Variants in GRIK2 observed in about 807,000 individuals in gnomAD.
GRIK2 encodes the protein glutamate receptor ionotropic, kainate 2.
GRIK2 carries 32 observed loss-of-function variants against 100.3 expected under a neutral mutation model. The ratio of observed to expected loss-of-function variants is 0.32; its 90% CI spans 0.24 to 0.43. The LOEUF is 0.43. Ranked by LOEUF, GRIK2 falls within the 20% of genes least tolerant of loss-of-function variation. The pLI is 1.00. For missense variants in GRIK2, 843 were observed against 1,114.9 expected, an observed-to-expected ratio of 0.76 and a Z score of 3.47; for synonymous variants, 417 against 389.4, an observed-to-expected ratio of 1.07 and a Z score of -0.83.
At chr6:101,917,443 T>A (rs188547378) in intron 12 of GRIK2, among the ~76,000 whole-genome samples, 2,363 of 151,808 alleles carry the variant, frequency 0.016, 40 homozygotes, top group Non-Finnish European at 0.021. Context: ...AGGATGATTT[T>A]AAAAAAATCC....
chr6:101,794,299 C>G (rs914814308), intron 7 of GRIK2, among the ~76,000 whole-genome samples: 1 of 152,220 alleles, frequency 6.6e-6, no homozygotes, highest in African/African-American at 2.4e-5. Flanking sequence ...CCCTCTTCTG[C>G]GTCGCTCACG....
chr6:101,757,082 C>T (rs1377431688), intron 7 of GRIK2, among the ~76,000 whole-genome samples: 1 of 152,006 alleles, frequency 6.6e-6, no homozygotes, highest in Non-Finnish European at 1.5e-5. Context: ...TTAAATGGGA[C>T]ATATATGGTT....
intron 2 of GRIK2, among the ~76,000 whole-genome samples, chr6:101,566,091 G>A (rs552378311): frequency 4.6e-4 from 69 of 151,600 alleles, no homozygotes; most frequent in African/African-American, 1.6e-3. Flanking sequence ...CTGAAAAGGA[G>A]GAGGAAGAGG....
chr6:101,755,182 T>C (rs1460003149), intron 7 of GRIK2, among the ~76,000 whole-genome samples: 1 of 146,510 alleles, frequency 6.8e-6, no homozygotes, highest in South Asian at 2.2e-4. Context: ...TTTTTTTTTT[T>C]TTGAGACGGA....
chr6:101,485,001 A>G (rs1772742544), intron 2 of GRIK2, among the ~76,000 whole-genome samples: 1 of 152,222 alleles, frequency 6.6e-6, no homozygotes, highest in African/African-American at 2.4e-5. Flanking sequence ...CAATTGAAAC[A>G]CATTTCTCCT....
intron 14 of GRIK2, among the ~76,000 whole-genome samples, chr6:102,001,302 T>G (rs1022391722): frequency 6.6e-6 from 1 of 151,878 alleles, no homozygotes; most frequent in African/African-American, 2.4e-5. Context: ...ACCTGTCATC[T>G]AGGTTTTAAG....
At chr6:101,563,258 A>C (rs2128296345) in intron 2 of GRIK2, among the ~76,000 whole-genome samples, 1 of 152,346 alleles carries the variant, frequency 6.6e-6, no homozygotes, top group African/African-American at 2.4e-5. Context: ...GGTTCTATTA[A>C]GTATCTTATA....
chr6:101,510,086 A>G (rs748384048), intron 2 of GRIK2, among the ~76,000 whole-genome samples: 2 of 152,178 alleles, frequency 1.3e-5, no homozygotes, highest in African/African-American at 2.4e-5. Context: ...TCCACTTAAA[A>G]TAAGATTTCA....
chr6:101,637,124 C>T (rs1004599932), intron 4 of GRIK2, among the ~76,000 whole-genome samples: 8 of 152,076 alleles, frequency 5.3e-5, no homozygotes, highest in Non-Finnish European at 1.2e-4. Context: ...TATTTCTTAA[C>T]TCATGATGTT....
chr6:102,004,341 A>C (rs1795101014), intron 14 of GRIK2, among the ~76,000 whole-genome samples: 1 of 144,720 alleles, frequency 6.9e-6, no homozygotes, highest in Non-Finnish European at 1.5e-5. Context: ...TAACAAACTG[A>C]GGGGAGGGAG....
chr6:101,930,355 T>A (rs76727939), intron 14 of GRIK2, among the ~76,000 whole-genome samples: 968 of 7,172 alleles, frequency 0.13, 10 homozygotes, highest in African/African-American at 0.31. Context: ...AAAAAAAAAA[T>A]AAAATAAAAT....
At chr6:101,825,985 A>G (rs1201607339) in intron 10 of GRIK2, among the ~76,000 whole-genome samples, 1 of 151,874 alleles carries the variant, frequency 6.6e-6, no homozygotes, top group African/African-American at 2.4e-5. Flanking sequence ...CATGCATCAA[A>G]CCTCCTTCTT....
intron 15 of GRIK2, among the ~76,000 whole-genome samples, chr6:102,050,217 A>T (rs994819349): frequency 6.6e-6 from 1 of 152,028 alleles, no homozygotes; most frequent in Non-Finnish European, 1.5e-5. Context: ...TGCACATTTC[A>T]TTCTACAAGT....
Position 102,068,703 on chromosome 6 carries a change from A to G in GRIK2, c.*192A>G, listed in dbSNP as rs933736380. 2 of 545,914 alleles carry G rather than the reference A, an allele frequency of 3.7e-6. No individual in the cohort carries two copies. Among genetic ancestry groups the G allele is most frequent in the African/African-American group, 3.8e-5 (2 of 52,056 alleles). 33.8% of individuals were successfully genotyped at this position (545,914 alleles called of 1,614,324 possible). On this transcript the variant is annotated 3_prime_UTR_variant, in exon 17 of 17. Coordinates refer to ENST00000369134, the MANE Select transcript of GRIK2 (RefSeq NM_021956.5). ...ACTTGATTTACAAGCATCATGGATC[A>G]ACCAAGTTACACGGGGTTACACTGT...
intron 15 of GRIK2, among the ~76,000 whole-genome samples, chr6:102,053,306 A>G (rs1244253113): frequency 6.6e-6 from 1 of 152,134 alleles, no homozygotes; most frequent in Non-Finnish European, 1.5e-5. Flanking sequence ...GGGAAAATAT[A>G]TCATTATCAG....
rs189882926 is a variant in GRIK2, at chr6:101,630,209, A to G, written c.541+3572A>G. On this transcript the variant is annotated intron_variant, in intron 4 of 16. Transcript: ENST00000369134. Reference sequence around the variant, plus strand: ...ATGTGTCTATTTGATAGAATCATGTATTTTCCTTTGTGTATATACCCAGTA... The same window carrying G: ...ATGTGTCTATTTGATAGAATCATGTGTTTTCCTTTGTGTATATACCCAGTA... Among the ~76,000 whole-genome samples the G allele has an allele frequency of 1.3e-3, 199 of 152,112 alleles. 1 individual carries two copies. The highest frequency in any genetic ancestry group is 4.7e-3 in the African/African-American group (197 of 41,526).
At chr6:101,988,132 TGCGCGC>T (rs112299589) in intron 14 of GRIK2, among the ~76,000 whole-genome samples, 1,032 of 29,376 alleles carry the variant, frequency 0.035, 13 homozygotes, top group African/African-American at 0.053. Context: ...TGTGTGTGTG[TGCGCGC>T]GCGCGCGCGC....
rs9498756 is a variant in GRIK2, at chr6:101,933,376, A to G, written c.2085+4744A>G. On this transcript the variant is annotated intron_variant, in intron 14 of 16. Coordinates refer to ENST00000369134, the MANE Select transcript of GRIK2 (RefSeq NM_021956.5). ...TTGCTGTTGTACTGATTACTCGTCT[A>G]TCTCTTTCTTGTCCTACCTTACATG... Among the ~76,000 whole-genome samples the G allele has an allele frequency of 9.1e-3, 1,380 of 151,684 alleles. 20 individuals are homozygous for G. Among genetic ancestry groups the G allele is most frequent in the African/African-American group, 0.031 (1,288 of 41,412 alleles).
At chr6:101,966,189 C>T (rs1792661623) in intron 14 of GRIK2, among the ~76,000 whole-genome samples, 1 of 152,032 alleles carries the variant, frequency 6.6e-6, no homozygotes, top group African/African-American at 2.4e-5. Context: ...TAATTATTCT[C>T]CCCTATGAAA....
Sources: gnomAD v4.1 joint callset for allele counts (sites outside exome capture counted in the v4.1 genomes callset) on GRCh38, gnomAD v4.1.1 for gene constraint, MANE v1.5 for transcripts, NCBI Gene and HGNC (gene_info 2026-07-23, HGNC 2026-07-21) for gene names.